The following AKAP6 variants were observed in gnomAD, a reference collection of about 807,000 sequenced individuals.
AKAP6 encodes A-kinase anchor protein 6.
Under a neutral mutation model 188.5 loss-of-function variants are expected in AKAP6, and 58 were observed. The observed-to-expected ratio is 0.31, with a 90% CI of 0.25 to 0.38. The LOEUF (loss-of-function observed/expected upper bound fraction) is 0.38, where lower values mean the gene tolerates loss of function less well. Among genes scored for constraint, AKAP6 ranks in the 10% least tolerant of loss-of-function variants. The pLI, the probability that AKAP6 is intolerant of heterozygous loss-of-function variation, is 1.00. For missense variants in AKAP6, 2,710 were observed against 2,740.0 expected (o/e 0.99, Z 0.24); for synonymous variants, 989 against 998.6 (o/e 0.99, Z 0.18).
At chr14:32,374,413 G>C (rs1017635837) in intron 1 of AKAP6, among the ~76,000 whole-genome samples, 1 of 152,148 alleles carries the variant, frequency 6.6e-6, no homozygotes, top group Non-Finnish European at 1.5e-5. Flanking sequence ...ATAATGAAAG[G>C]CTCTTCCAGG....
intron 7 of AKAP6, among the ~76,000 whole-genome samples, chr14:32,661,175 AG>A (rs1242817428): frequency 2.6e-4 from 40 of 152,050 alleles, no homozygotes; most frequent in Admixed American, 2.6e-3. Flanking sequence ...AGAGAAGCCA[AG>A]GGCTCAACAT....
At chr14:32,785,887 GAGAATGTGATTTAA>G (rs1459092968) in intron 12 of AKAP6, among the ~76,000 whole-genome samples, 1 of 152,048 alleles carries the variant, frequency 6.6e-6, no homozygotes, top group Non-Finnish European at 1.5e-5. Flanking sequence ...TCAGAAATAT[GAGAATGTGATTTAA>G]AAAAAAACTG....
intron 1 of AKAP6, among the ~76,000 whole-genome samples, chr14:32,391,225 G>A (rs1179739095): frequency 2.6e-5 from 4 of 152,156 alleles, no homozygotes; most frequent in Non-Finnish European, 2.9e-5. Context: ...GCATTCTCAT[G>A]TTCAATCTCT....
At chr14:32,723,144 T>A (rs1594882706) in intron 9 of AKAP6, among the ~76,000 whole-genome samples, 1 of 152,236 alleles carries the variant, frequency 6.6e-6, no homozygotes, top group African/African-American at 2.4e-5. Context: ...TCACAAGTCT[T>A]GTGAAGGGGT....
chr14:32,825,780 C>G (rs774789406), intron 13 of AKAP6, among the ~76,000 whole-genome samples: 19 of 152,198 alleles, frequency 1.2e-4, no homozygotes, highest in Non-Finnish European at 2.5e-4. Context: ...ACCCCCCACT[C>G]CAGAAGCTTA....
intron 7 of AKAP6, among the ~76,000 whole-genome samples, chr14:32,612,955 C>A (rs1373598980): frequency 6.6e-6 from 1 of 152,178 alleles, no homozygotes; most frequent in African/African-American, 2.4e-5. Context: ...CTAGATCATA[C>A]CACTATTTGA....
intron 2 of AKAP6, among the ~76,000 whole-genome samples, chr14:32,525,472 A>G (rs987221529): frequency 6.6e-6 from 1 of 152,224 alleles, no homozygotes; most frequent in African/African-American, 2.4e-5. Context: ...AGACTTTCAG[A>G]GACGTGAAGG....
At chr14:32,757,251 A>G (rs28613139) in intron 11 of AKAP6, among the ~76,000 whole-genome samples, 1,763 of 152,278 alleles carry the variant, frequency 0.012, 35 homozygotes, top group African/African-American at 0.039. Flanking sequence ...ATGTTTGTGT[A>G]TGAATAGTTG....
At position 32,776,318 on chromosome 14, in the gene AKAP6, T is replaced by C. The variant is rs565394774; in HGVS notation, c.3588+2425T>C. ...GGTTTCCCCCATACTGTTCTCATGG[T>C]AGTGAATAAGTCTCACTAGATCTGA... On this transcript the variant is annotated intron_variant, in intron 12 of 13. Coordinates refer to ENST00000280979, the MANE Select transcript of AKAP6 (RefSeq NM_004274.5). 4.6e-5 allele frequency among the ~76,000 whole-genome samples: 7 copies of C among 152,306 alleles called. No homozygotes were observed. In the South Asian group the frequency reaches 1.2e-3, roughly 27 times the overall value.
chr14:32,520,917 T>C (rs1881795991), intron 2 of AKAP6, among the ~76,000 whole-genome samples: 1 of 152,196 alleles, frequency 6.6e-6, no homozygotes, highest in Admixed American at 6.5e-5. Context: ...ATATCCCTGA[T>C]GAACATCAAT....
chr14:32,721,020 C>T (rs544745493), intron 9 of AKAP6, among the ~76,000 whole-genome samples: 13 of 152,260 alleles, frequency 8.5e-5, no homozygotes, highest in Middle Eastern at 3.4e-3. Context: ...TTAATTGCTG[C>T]GCCTCAAGTC....
intron 7 of AKAP6, among the ~76,000 whole-genome samples, chr14:32,609,775 A>C (rs2139379084): frequency 6.6e-6 from 1 of 152,166 alleles, no homozygotes; most frequent in African/African-American, 2.4e-5. Flanking sequence ...GAAGCTAAAA[A>C]ACATTGCCTC....
Position 32,546,983 on chromosome 14 carries a change from T to A in AKAP6, c.2330T>A (p.Ile777Lys), listed in dbSNP as rs1474723032. Residue 777 changes from isoleucine to lysine, a missense_variant, in exon 4 of 14, where the codon ATA becomes AAA. By Grantham distance (102) the Ile-to-Lys change is moderately radical. Transcript: ENST00000280979. ...CAGCACCAAGACAACTATGAAGCCA[T>A]ATGGGAAAAAATAGAGGTAAGGTGG... is the stretch of plus-strand genomic sequence containing the variant. ...DIQHQDNYEA[I>K]WEKIEGFVNK... is the part of the protein sequence containing the mutation. 1.9e-6 allele frequency: 3 copies of A among 1,592,324 alleles called. No homozygotes were observed. The highest frequency in any genetic ancestry group is 2.6e-6 in the Non-Finnish European group (3 of 1,175,998).
chr14:32,551,104 C>G (rs1209296838), intron 4 of AKAP6, among the ~76,000 whole-genome samples: 1 of 152,192 alleles, frequency 6.6e-6, no homozygotes, highest in Non-Finnish European at 1.5e-5. Context: ...CCCATGCTCA[C>G]TACACTCCCT....
intron 7 of AKAP6, among the ~76,000 whole-genome samples, chr14:32,630,923 T>G (rs1400654001): frequency 6.6e-6 from 1 of 152,106 alleles, no homozygotes; most frequent in Non-Finnish European, 1.5e-5. Flanking sequence ...TTCTTCTGGC[T>G]TCTTTTGTAG....
chr14:32,788,173 G>A (rs1165493821), intron 12 of AKAP6, among the ~76,000 whole-genome samples: 1 of 151,864 alleles, frequency 6.6e-6, no homozygotes, highest in South Asian at 2.1e-4. Flanking sequence ...AGACAGAGTA[G>A]ATTTTCAAGA....
At chr14:32,749,397 C>T (rs1217889880) in intron 11 of AKAP6, among the ~76,000 whole-genome samples, 2 of 152,122 alleles carry the variant, frequency 1.3e-5, no homozygotes, top group East Asian at 3.8e-4. Context: ...ATTTATGTTT[C>T]CCTCATCGAA....
chr14:32,771,498 A>T (rs2032896962), intron 11 of AKAP6, among the ~76,000 whole-genome samples: 1 of 152,212 alleles, frequency 6.6e-6, no homozygotes, highest in East Asian at 1.9e-4. Flanking sequence ...AATACTGGAT[A>T]CATTCTAGAT....
chr14:32,530,327 A>G (rs1882352665), intron 2 of AKAP6, among the ~76,000 whole-genome samples: 1 of 152,012 alleles, frequency 6.6e-6, no homozygotes, highest in Non-Finnish European at 1.5e-5. Context: ...TCACCCAGAC[A>G]TTAGGGGAAT....
Sources: allele counts gnomAD v4.1 joint callset (sites outside exome capture counted in the v4.1 genomes callset), GRCh38; gene constraint gnomAD v4.1.1; transcripts MANE v1.5; gene names NCBI Gene and HGNC (gene_info 2026-07-23, HGNC 2026-07-21).